DLG2: variants seen among roughly 807,000 people sequenced by gnomAD.
The protein encoded by DLG2 is disks large homolog 2.
In DLG2, 45 loss-of-function variants were observed where a neutral mutation model predicts 132.5. The observed-to-expected ratio is 0.34, with a 90% CI of 0.27 to 0.44. The LOEUF (loss-of-function observed/expected upper bound fraction) is 0.44. Among genes scored for constraint, DLG2 ranks in the 20% least tolerant of loss-of-function variants. DLG2 has a pLI of 1.00. For synonymous variants in DLG2, 424 were observed against 419.6 expected, an observed-to-expected ratio of 1.01 and a Z score of -0.13; for missense variants, 1,045 against 1,196.9, an observed-to-expected ratio of 0.87 and a Z score of 1.87.
chr11:84,059,188 G>A (rs1389881125), intron 11 of DLG2, 127 bp downstream of exon 11: 28 of 868,642 alleles, frequency 3.2e-5, no homozygotes, highest in Non-Finnish European at 4.1e-5. Context: ...CACTACTGTA[G>A]GATTTTAAAT....
intron 19 of DLG2, among the ~76,000 whole-genome samples, chr11:83,557,243 G>A (rs951731134): frequency 1.3e-5 from 2 of 152,114 alleles, no homozygotes; most frequent in Non-Finnish European, 2.9e-5. Context: ...TTTCTATTTG[G>A]TTTGTTTGTT....
At chr11:85,492,370 T>C (rs1293447431) in intron 3 of DLG2, among the ~76,000 whole-genome samples, 1 of 152,158 alleles carries the variant, frequency 6.6e-6, no homozygotes, top group African/African-American at 2.4e-5. Flanking sequence ...TTTATCTGCA[T>C]TTTATATATA....
chr11:84,218,994 C>A (rs994387285), intron 8 of DLG2, among the ~76,000 whole-genome samples: 1 of 152,078 alleles, frequency 6.6e-6, no homozygotes, highest in Non-Finnish European at 1.5e-5. Flanking sequence ...GCTATTGGTA[C>A]CTTAACTTGT....
intron 6 of DLG2, among the ~76,000 whole-genome samples, chr11:84,827,676 C>CA (rs398016953): frequency 0.47 from 16,276 of 34,912 alleles, 4,775 homozygotes; most frequent in Non-Finnish European, 0.53. Flanking sequence ...TACATACAGT[C>CA]AAAAAAAAAA....
chr11:83,462,163 G>T, intron 26 of DLG2, 70 bp from the exon 27 acceptor site: 1 of 1,022,818 alleles, frequency 9.8e-7, no homozygotes, highest in Non-Finnish European at 1.5e-6. Flanking sequence ...AAAATGTATG[G>T]CAAAAATAAA....
intron 9 of DLG2, among the ~76,000 whole-genome samples, chr11:84,140,466 AC>A (rs2094794506): frequency 6.6e-6 from 1 of 152,184 alleles, no homozygotes; most frequent in Admixed American, 6.5e-5. Context: ...AAATATAGAT[AC>A]GTTTTTATGA....
Position 85,362,329 on chromosome 11 carries a change from TTTTG to T in DLG2, c.41-76968_41-76965del, listed in dbSNP as rs551045981. ...CTCCCTGATTTAATATGTCCCTAGGTTTTGTTTGTTTGTTTGTTGTTTGTTTTTG... is the reference window on the plus strand; with the variant it reads ...CTCCCTGATTTAATATGTCCCTAGGTTTTGTTTGTTTGTTGTTTGTTTTTG... On this transcript the variant is annotated intron_variant, in intron 3 of 27. Transcript: ENST00000376104. Among the ~76,000 whole-genome samples, 493 of 152,228 alleles carry T rather than the reference TTTTG, an allele frequency of 3.2e-3. 3 individuals are homozygous for T. The highest frequency in any genetic ancestry group is 0.011 in the African/African-American group (474 of 41,546).
intron 6 of DLG2, among the ~76,000 whole-genome samples, chr11:84,972,642 C>T (rs368948389): frequency 8.5e-5 from 13 of 152,208 alleles, no homozygotes; most frequent in Admixed American, 2.0e-4. Context: ...GAAGGTGCTA[C>T]CTGCCTCAGA....
intron 3 of DLG2, among the ~76,000 whole-genome samples, chr11:85,296,460 C>T (rs492897): frequency 1 from 145,988 of 146,090 alleles, 72,944 homozygotes; most frequent in Middle Eastern, 1. Flanking sequence ...TGTTTTGTTT[C>T]GATTTTCTTT....
chr11:83,662,155 A>T (rs1239014158), intron 18 of DLG2, among the ~76,000 whole-genome samples: 2 of 152,094 alleles, frequency 1.3e-5, no homozygotes, highest in African/African-American at 4.8e-5. Context: ...TCCAAAGTTC[A>T]TGTCTACCCA....
intron 6 of DLG2, among the ~76,000 whole-genome samples, chr11:84,909,195 C>T (rs1399309275): frequency 6.6e-6 from 1 of 152,166 alleles, no homozygotes; most frequent in Non-Finnish European, 1.5e-5. Context: ...CCTGCTCTTC[C>T]TTAGCTAAGC....
At chr11:85,454,575 C>T (rs955964200) in intron 3 of DLG2, among the ~76,000 whole-genome samples, 1 of 152,006 alleles carries the variant, frequency 6.6e-6, no homozygotes, top group Admixed American at 6.6e-5. Flanking sequence ...GTTGCAATTG[C>T]TTTTGGCATC....
At chr11:84,360,863 T>C (rs149549417) in intron 7 of DLG2, among the ~76,000 whole-genome samples, 292 of 152,024 alleles carry the variant, frequency 1.9e-3, no homozygotes, top group African/African-American at 6.8e-3. Flanking sequence ...AAAAATGTGC[T>C]TTACATATGT....
intron 5 of DLG2, among the ~76,000 whole-genome samples, chr11:85,122,534 C>T (rs2074444292): frequency 6.6e-6 from 1 of 152,080 alleles, no homozygotes; most frequent in African/African-American, 2.4e-5. Flanking sequence ...ACATCGAGGG[C>T]CATGTGCTGC....
At chr11:85,034,611 T>C (rs577182841) in intron 6 of DLG2, among the ~76,000 whole-genome samples, 47 of 152,234 alleles carry the variant, frequency 3.1e-4, no homozygotes, top group African/African-American at 1.1e-3. Flanking sequence ...GAGTAGTTTT[T>C]CAGGAAAACT....
chr11:84,714,577 TTC>T (rs1307056458), intron 6 of DLG2, among the ~76,000 whole-genome samples: 1 of 126,152 alleles, frequency 7.9e-6, no homozygotes, highest in Non-Finnish European at 1.6e-5. Flanking sequence ...CTCTTTCTCT[TTC>T]TCTTTCTCTT....
At chr11:85,213,680 T>G (rs1461789759) in intron 4 of DLG2, among the ~76,000 whole-genome samples, 1 of 152,156 alleles carries the variant, frequency 6.6e-6, no homozygotes, top group Non-Finnish European at 1.5e-5. Context: ...GTGAGGCATG[T>G]CTGACCCATC....
intron 3 of DLG2, among the ~76,000 whole-genome samples, chr11:85,400,415 A>C (rs2087933583): frequency 7.0e-6 from 1 of 142,216 alleles, no homozygotes; most frequent in Non-Finnish European, 1.5e-5. Flanking sequence ...CATTTGACCC[A>C]GCCATCCCAT....
intron 7 of DLG2, among the ~76,000 whole-genome samples, chr11:84,282,962 T>C (rs1227371100): frequency 6.6e-6 from 1 of 152,192 alleles, no homozygotes; most frequent in Non-Finnish European, 1.5e-5. Flanking sequence ...TCAGCACTTA[T>C]AGGTATGGCC....
Sources: gnomAD v4.1 joint callset for allele counts (sites outside exome capture counted in the v4.1 genomes callset) on GRCh38, gnomAD v4.1.1 for gene constraint, MANE v1.5 for transcripts, NCBI Gene and HGNC (gene_info 2026-07-23, HGNC 2026-07-21) for gene names.